Variants in PLD5 observed in about 807,000 individuals in gnomAD.
PLD5 encodes inactive phospholipase D5.
Under a neutral mutation model 61.1 loss-of-function variants are expected in PLD5, and 36 were observed. That is an observed-to-expected ratio of 0.59 (90% CI 0.45 to 0.78). The LOEUF (loss-of-function observed/expected upper bound fraction) is 0.78, where lower values mean the gene tolerates loss of function less well. Ranked by LOEUF, PLD5 falls within the 30% of genes least tolerant of loss-of-function variation. The pLI is 0.00. For synonymous variants in PLD5, 243 were observed against 242.8 expected (o/e 1.00, Z -0.01); for missense variants, 515 against 644.4 (o/e 0.80, Z 2.17).
chr1:242,287,360 G>C (rs1675084920), intron 3 of PLD5, among the ~76,000 whole-genome samples: 1 of 152,172 alleles, frequency 6.6e-6, no homozygotes, highest in African/African-American at 2.4e-5. Context: ...TATTTTAGGA[G>C]ACATTATGGA....
chr1:242,102,337 G>A (rs1363586262), intron 8 of PLD5, among the ~76,000 whole-genome samples: 5 of 152,186 alleles, frequency 3.3e-5, no homozygotes, highest in South Asian at 2.1e-4. Context: ...AGTCAAAGAC[G>A]GCCCTTAAGA....
In PLD5 at chr1:242,084,789, A is replaced by T. The variant is rs796680316; in HGVS notation, c.*5065T>A. ...TTTTTTTTTTTTTTTAGAGAAAGAG[A>T]TAGGTATAGTGTTTCAAAGATGCCT... On this transcript the variant is annotated 3_prime_UTR_variant, in exon 10 of 10. Transcript: ENST00000536534. The T allele has an allele frequency of 3.1e-4, 39 of 123,978 alleles. No homozygotes were observed. Among genetic ancestry groups the T allele is most frequent in the African/African-American group, 1.2e-3 (38 of 32,574 alleles). The allele number at this position is 123,978 out of a possible 1,614,324, so 7.7% of individuals were successfully genotyped here.
At chr1:242,223,111 C>T (rs564656158) in intron 4 of PLD5, among the ~76,000 whole-genome samples, 11 of 152,210 alleles carry the variant, frequency 7.2e-5, no homozygotes, top group South Asian at 2.1e-4. Flanking sequence ...TAGTGAAGGT[C>T]GACTTTCTGG....
chr1:242,237,405 T>C (rs1173754994), intron 4 of PLD5, among the ~76,000 whole-genome samples: 1 of 152,208 alleles, frequency 6.6e-6, no homozygotes, highest in Non-Finnish European at 1.5e-5. Flanking sequence ...GCTCCAAATC[T>C]GTCCTTCAAT....
At chr1:242,100,276 C>T (rs1201432630) in intron 9 of PLD5, among the ~76,000 whole-genome samples, 2 of 152,158 alleles carry the variant, frequency 1.3e-5, no homozygotes, top group Non-Finnish European at 2.9e-5. Flanking sequence ...TGAACCACTC[C>T]ACTGCCTGCC....
At chr1:242,112,360 G>A (rs1339514435) in intron 7 of PLD5, among the ~76,000 whole-genome samples, 3 of 131,918 alleles carry the variant, frequency 2.3e-5, no homozygotes, top group Non-Finnish European at 5.0e-5. Context: ...TATAGATGGA[G>A]TCTCACTCTG....
At chr1:242,400,660 G>A (rs1188814576) in intron 1 of PLD5, among the ~76,000 whole-genome samples, 2 of 152,120 alleles carry the variant, frequency 1.3e-5, no homozygotes, top group African/African-American at 2.4e-5. Context: ...GGGAGGGAGT[G>A]GCCCAGCACG....
At chr1:242,119,792 A>G (rs977999330) in intron 6 of PLD5, among the ~76,000 whole-genome samples, 1 of 152,210 alleles carries the variant, frequency 6.6e-6, no homozygotes, top group South Asian at 2.1e-4. Flanking sequence ...TCCAACATAG[A>G]GTTACCACAT....
At chr1:242,433,561 A>G (rs1319181171) in intron 1 of PLD5, among the ~76,000 whole-genome samples, 1 of 152,180 alleles carries the variant, frequency 6.6e-6, no homozygotes, top group Non-Finnish European at 1.5e-5. Flanking sequence ...ATATTTATCG[A>G]ATACCCACTA....
chr1:242,493,486 C>T (rs1166449021), intron 1 of PLD5, among the ~76,000 whole-genome samples: 1 of 152,158 alleles, frequency 6.6e-6, no homozygotes, highest in African/African-American at 2.4e-5. Context: ...AAGAGGAGGG[C>T]CAGAACAAAT....
At chr1:242,359,280 G>A (rs148262589) in intron 1 of PLD5, among the ~76,000 whole-genome samples, 178 of 152,278 alleles carry the variant, frequency 1.2e-3, no homozygotes, top group African/African-American at 4.2e-3. Context: ...GAAGTTAGAT[G>A]TCTACCTCCT....
At position 242,163,154 on chromosome 1, in the gene PLD5, TTC is replaced by T. The variant is rs1401442301; in HGVS notation, c.736-38491_736-38490del. On this transcript the variant is annotated intron_variant, in intron 5 of 9. Coordinates refer to ENST00000536534, the MANE Select transcript of PLD5 (RefSeq NM_001372062.1). ...TTTATTTTCTTTTCTTTTCTTTCTT[TTC>T]TTGAGACGACGGAGTCTCACTCTGT... 5.3e-5 allele frequency among the ~76,000 whole-genome samples: 8 copies of T among 150,364 alleles called. 1 individual carries two copies. The highest frequency in any genetic ancestry group is 1.7e-4 in the African/African-American group (7 of 40,872).
intron 5 of PLD5, among the ~76,000 whole-genome samples, chr1:242,145,807 G>C (rs1196654101): frequency 2.0e-5 from 3 of 152,032 alleles, no homozygotes; most frequent in Non-Finnish European, 4.4e-5. Context: ...TGAGTAGCTG[G>C]GATTATAGGC....
At chr1:242,228,472 T>C (rs1489896596) in intron 4 of PLD5, among the ~76,000 whole-genome samples, 1 of 152,174 alleles carries the variant, frequency 6.6e-6, no homozygotes, top group African/African-American at 2.4e-5. Context: ...GGACCAAATG[T>C]GGGCACTAAC....
At chr1:242,520,854 T>C (rs1239454254) in intron 1 of PLD5, among the ~76,000 whole-genome samples, 1 of 152,186 alleles carries the variant, frequency 6.6e-6, no homozygotes. Context: ...AAGTAGTCCC[T>C]TGCTCCTCTT....
In PLD5 at chr1:242,405,782, A is replaced by T. The variant is rs1045861977; in HGVS notation, c.190-57540T>A. ...ACACCTTGCTAATTTTTGTATTTTT[A>T]GTAGAGACAGGGTTTCTCCATGTTG... On this transcript the variant is annotated intron_variant, in intron 1 of 9. Transcript: ENST00000536534. Among the ~76,000 whole-genome samples the T allele has an allele frequency of 5.9e-5, 9 of 151,998 alleles. 1 individual carries two copies. The highest frequency in any genetic ancestry group is 5.9e-4 in the Admixed American group (9 of 15,260).
intron 5 of PLD5, among the ~76,000 whole-genome samples, chr1:242,206,679 T>G (rs1669335946): frequency 6.6e-6 from 1 of 152,160 alleles, no homozygotes; most frequent in South Asian, 2.1e-4. Flanking sequence ...ATATTTACTA[T>G]TCATTAAGTG....
chr1:242,494,055 G>C (rs6664436), intron 1 of PLD5, among the ~76,000 whole-genome samples: 1 of 138,304 alleles, frequency 7.2e-6, no homozygotes, highest in Non-Finnish European at 1.5e-5. Flanking sequence ...TATGCTTCAT[G>C]TTTCCCTTCC....
At chr1:242,259,691 CT>C (rs199954256) in intron 4 of PLD5, among the ~76,000 whole-genome samples, 82 of 145,864 alleles carry the variant, frequency 5.6e-4, no homozygotes, top group Admixed American at 8.2e-4. Flanking sequence ...TAAAAGCCTG[CT>C]TTTTTTTTTC....
Sources: gnomAD v4.1 joint callset for allele counts (sites outside exome capture counted in the v4.1 genomes callset) on GRCh38, gnomAD v4.1.1 for gene constraint, MANE v1.5 for transcripts, NCBI Gene and HGNC (gene_info 2026-07-23, HGNC 2026-07-21) for gene names.